PADI6: variants seen among roughly 807,000 people sequenced by gnomAD.
The protein encoded by PADI6 is peptidyl arginine deiminase 6.
In PADI6, 66 loss-of-function variants were observed where a neutral mutation model predicts 78.2. That is an observed-to-expected ratio of 0.84 (90% CI 0.69 to 1.04). The LOEUF (loss-of-function observed/expected upper bound fraction) is 1.04, where lower values mean the gene tolerates loss of function less well. Among genes scored for constraint, PADI6 ranks in the 50% least tolerant of loss-of-function variants. The pLI is 0.00. For synonymous variants in PADI6, 397 were observed against 346.9 expected (o/e 1.14, Z -1.60); for missense variants, 854 against 866.1 (o/e 0.99, Z 0.18).
intron 3 of PADI6, among the ~76,000 whole-genome samples, chr1:17,375,710 G>A (rs985396620): frequency 1.3e-5 from 2 of 152,020 alleles, no homozygotes; most frequent in Non-Finnish European, 2.9e-5. Flanking sequence ...CTCCATCTTC[G>A]TGCACTGCCA....
rs747204018 is a variant in PADI6 at position 17,401,160 on chromosome 1, C to T, written c.1852-45C>T. 33 of 1,584,662 alleles carry T rather than the reference C, an allele frequency of 2.1e-5. No homozygotes were observed. In the Admixed American group the frequency reaches 5.3e-4, roughly 25 times the overall value. ...GGCAGGTGGGCGGCTGGCTTTCAGG[C>T]CTCTGATCCCTGTCCAGGCCTCACC... On this transcript the variant is annotated intron_variant, in intron 15 of 15. Transcript: ENST00000619609.
chr1:17,398,977 A>ACCCCTTCTCCCCCATCTCGGTTAGGGACG, intron 15 of PADI6, 130 bp downstream of exon 15: 1 of 1,027,830 alleles, frequency 9.7e-7, no homozygotes, highest in South Asian at 1.7e-5. Flanking sequence ...TGGGAGGGAG[A>ACCCCTTCTCCCCCATCTCGGTTAGGGACG]CCCCTTCTCC....
intron 9 of PADI6, among the ~76,000 whole-genome samples, chr1:17,393,172 C>CT (rs2075206636): frequency 6.6e-6 from 1 of 151,804 alleles, no homozygotes; most frequent in Non-Finnish European, 1.5e-5. Context: ...TGGGGTTGTG[C>CT]TTGGAGGTCT....
chr1:17,379,174 G>A (rs1371491281), intron 3 of PADI6, among the ~76,000 whole-genome samples: 3 of 135,420 alleles, frequency 2.2e-5, no homozygotes, highest in African/African-American at 3.3e-5. Context: ...GTGCAGTGGC[G>A]CAATCTCGGC....
intron 3 of PADI6, among the ~76,000 whole-genome samples, chr1:17,379,294 T>C (rs1458933975): frequency 6.7e-6 from 1 of 148,940 alleles, no homozygotes; most frequent in African/African-American, 2.6e-5. Flanking sequence ...TTTTGTATTT[T>C]TAGTAGAGAC....
chr1:17,389,060 A>G (rs565169085), intron 8 of PADI6, among the ~76,000 whole-genome samples, 180 bp downstream of exon 8: 3 of 152,312 alleles, frequency 2.0e-5, no homozygotes, highest in Non-Finnish European at 2.9e-5. Context: ...GAATATTCCC[A>G]AAGATGGGCA....
In PADI6 at chr1:17,388,442, C is replaced by T; in HGVS notation, c.741C>T (p.Ala247=). ...LGPDQHAYTL[A]LLGNHLKETF... Reference sequence around the variant, plus strand: ...CCGACCAGCACGCCTATACCTTGGCCCTCCTCGGGAACCACTTGAAGGAGA... The same window carrying T: ...CCGACCAGCACGCCTATACCTTGGCTCTCCTCGGGAACCACTTGAAGGAGA... The change falls in exon 7 of 16, where the codon GCC becomes GCT. Residue 247 remains alanine, a synonymous_variant. Transcript: ENST00000619609. 3 of 1,613,720 alleles carry T rather than the reference C, an allele frequency of 1.9e-6. No homozygotes were observed. The highest frequency in any genetic ancestry group is 1.6e-4 in the Middle Eastern group (1 of 6,062).
chr1:17,373,198 A>G lies in PADI6; in HGVS notation c.259A>G (p.Met87Val). Residue 87 changes from methionine (M) to valine (V), a missense_variant, in exon 2 of 16, where the codon ATG becomes GTG. Transcript: ENST00000619609. The part of the protein sequence containing the change: ...LSDPTYATVK[M>V]TSPSPSVDAD... Reference sequence around the variant, plus strand: ...TGATCCCACGTACGCCACAGTGAAGATGACATCGCCCAGCCCTTCCGTGGA... The same window carrying G: ...TGATCCCACGTACGCCACAGTGAAGGTGACATCGCCCAGCCCTTCCGTGGA... The G allele has an allele frequency of 2.5e-6, 4 of 1,613,990 alleles. No individual in the cohort carries two copies. Among genetic ancestry groups the G allele is most frequent in the Non-Finnish European group, 3.4e-6 (4 of 1,179,866 alleles).
chr1:17,397,393 T>C (rs371817318), intron 14 of PADI6, among the ~76,000 whole-genome samples: 17 of 152,206 alleles, frequency 1.1e-4, no homozygotes, highest in South Asian at 1.0e-3. Flanking sequence ...ACCTTTATGC[T>C]TGGAAGAGGG....
rs756874560 is a variant in PADI6 at position 17,375,443 on chromosome 1, A to G, written c.311A>G (p.Tyr104Cys). The change falls in exon 3 of 16, where the codon TAT becomes TGT. Residue 104 changes from tyrosine (Y) to cysteine (C), a missense_variant. Tyr to Cys is a radical substitution (Grantham distance 194, BLOSUM62 -2). Coordinates refer to ENST00000619609, the MANE Select transcript of PADI6 (RefSeq NM_207421.4). ...VDADKVSVTY[Y>C]GPNEDAPVGT... Reference sequence around the variant, plus strand: ...TCTCCACAGGTCTCGGTCACATACTATGGGCCCAACGAGGATGCCCCCGTG... The same window carrying G: ...TCTCCACAGGTCTCGGTCACATACTGTGGGCCCAACGAGGATGCCCCCGTG... 7 of 1,611,570 alleles carry G rather than the reference A, an allele frequency of 4.3e-6. No homozygotes were observed. The South Asian group carries it at 5.5e-5, about 13-fold the overall frequency.
At chr1:17,388,736 A>G (rs1449109993) in intron 7 of PADI6, 41 bp from the exon 8 acceptor site, 5 of 1,584,234 alleles carry the variant, frequency 3.2e-6, no homozygotes, top group East Asian at 2.2e-5. Context: ...GAGCGAGTAA[A>G]TGTGGAAGCA....
At position 17,401,463 on chromosome 1, in the gene PADI6, C is replaced by G; in HGVS notation, c.*25C>G. 6.3e-7 allele frequency: 1 copy of G among 1,596,018 alleles called. No individual in the cohort carries two copies. ...GACCCAGGCCCTGGAGCTGCCAGCT[C>G]TGCCCCAGCGTGGATGGCCCACTGT... On this transcript the variant is annotated 3_prime_UTR_variant, in exon 16 of 16. Coordinates refer to ENST00000619609, the MANE Select transcript of PADI6 (RefSeq NM_207421.4).
At chr1:17,397,662 C>T (rs1432460807) in intron 14 of PADI6, among the ~76,000 whole-genome samples, 2 of 151,964 alleles carry the variant, frequency 1.3e-5, no homozygotes, top group Non-Finnish European at 2.9e-5. Flanking sequence ...ACAAACCCTG[C>T]AGATAGCCCT....
Position 17,381,997 on chromosome 1 carries a change from A to G in PADI6, c.584A>G (p.Asn195Ser), listed in dbSNP as rs1174402223. ...EITNLSQMTL[N>S]VQGPSCILKK... ...ACGAATCTGTCCCAGATGACTCTGAATGTCCAAGGCCCCAGCTGTATCTTA... is the reference window on the plus strand; with the variant it reads ...ACGAATCTGTCCCAGATGACTCTGAGTGTCCAAGGCCCCAGCTGTATCTTA... Residue 195 changes from asparagine (N) to serine (S), a missense_variant, in exon 6 of 16, where the codon AAT (asparagine) becomes AGT (serine). Asn to Ser is a conservative substitution (Grantham distance 46). Coordinates refer to ENST00000619609, the MANE Select transcript of PADI6 (RefSeq NM_207421.4). 5 of 1,613,882 alleles carry G rather than the reference A, an allele frequency of 3.1e-6. No homozygotes were observed. Among genetic ancestry groups the G allele is most frequent in the Non-Finnish European group, 3.4e-6 (4 of 1,179,828 alleles).
At chr1:17,379,450 T>C (rs2075051737) in intron 3 of PADI6, among the ~76,000 whole-genome samples, 1 of 152,090 alleles carries the variant, frequency 6.6e-6, no homozygotes, top group African/African-American at 2.4e-5. Context: ...AGAGATGCGA[T>C]TTCACCATGT....
At chr1:17,382,983 A>G (rs936265741) in intron 6 of PADI6, among the ~76,000 whole-genome samples, 8 of 152,168 alleles carry the variant, frequency 5.3e-5, no homozygotes, top group African/African-American at 1.9e-4. Flanking sequence ...ACGGGGTCTC[A>G]CTTTGCCCAG....
intron 11 of PADI6, 64 bp downstream of exon 11, chr1:17,394,518 G>A (rs1052894743): frequency 1.7e-5 from 26 of 1,536,188 alleles, no homozygotes; most frequent in African/African-American, 9.6e-5. Flanking sequence ...CCCTGGCCCC[G>A]CCTGCTTCCC....
intron 3 of PADI6, 127 bp from the exon 4 acceptor site, chr1:17,379,793 G>A: frequency 1.4e-6 from 1 of 727,252 alleles, no homozygotes; most frequent in Non-Finnish European, 2.3e-6. Flanking sequence ...CTTCTAAGCT[G>A]ATAGCATGCC....
chr1:17,400,769 C>T (rs1184558673), intron 15 of PADI6, among the ~76,000 whole-genome samples: 4 of 152,154 alleles, frequency 2.6e-5, no homozygotes, highest in Non-Finnish European at 4.4e-5. Flanking sequence ...GCCCTGCATG[C>T]TCCAATTGTA....
Sources: gnomAD v4.1 joint callset for allele counts (sites outside exome capture counted in the v4.1 genomes callset) on GRCh38, gnomAD v4.1.1 for gene constraint, MANE v1.5 for transcripts, NCBI Gene and HGNC (gene_info 2026-07-23, HGNC 2026-07-21) for gene names.